Variants in SAMTOR observed in about 807,000 individuals in gnomAD.
SAMTOR encodes the protein UPF0532 protein C7orf60.
At chr7:112,884,506 G>C in the SAMTOR span, among the ~76,000 whole-genome samples, 1 of 152,136 alleles carries the variant, frequency 6.6e-6, no homozygotes, top group East Asian at 1.9e-4. Context: ...GGAGAAATTG[G>C]CCAAAACAAA....
At chr7:112,939,837 G>T in the SAMTOR span, 1 of 1,060,858 alleles carries the variant, frequency 9.4e-7, no homozygotes, top group Non-Finnish European at 1.3e-6. Flanking sequence ...AGGGAGCTGC[G>T]GAGGCAGCAG....
the SAMTOR span, among the ~76,000 whole-genome samples, chr7:112,924,303 T>G: frequency 6.6e-6 from 1 of 151,830 alleles, no homozygotes; most frequent in African/African-American, 2.4e-5. Flanking sequence ...ATCTAAGAGG[T>G]TTTTTTTAAA....
the SAMTOR span, chr7:112,915,506 T>C: frequency 7.3e-7 from 1 of 1,375,252 alleles, no homozygotes. Context: ...ACTCTTGAAA[T>C]AAGTTTTAGC....
At chr7:112,933,911 T>C in the SAMTOR span, among the ~76,000 whole-genome samples, 4 of 152,266 alleles carry the variant, frequency 2.6e-5, no homozygotes, top group South Asian at 2.1e-4. Flanking sequence ...TATATACTTA[T>C]TAAAGAAAAC....
the SAMTOR span, among the ~76,000 whole-genome samples, chr7:112,866,789 A>G: frequency 6.6e-6 from 1 of 152,244 alleles, no homozygotes; most frequent in African/African-American, 2.4e-5. Context: ...AGGCCTGAAT[A>G]CTACATCTCG....
At chr7:112,848,835 G>T in the SAMTOR span, among the ~76,000 whole-genome samples, 1 of 152,106 alleles carries the variant, frequency 6.6e-6, no homozygotes, top group Non-Finnish European at 1.5e-5. Context: ...CGATCACGAG[G>T]TCAGGAGTTC....
chr7:112,930,009 A>G, the SAMTOR span, among the ~76,000 whole-genome samples: 1 of 152,192 alleles, frequency 6.6e-6, no homozygotes, highest in East Asian at 1.9e-4. Context: ...CATGAGTATC[A>G]AAAGTCTTAA....
the SAMTOR span, among the ~76,000 whole-genome samples, chr7:112,933,393 T>C: frequency 1.3e-5 from 2 of 152,156 alleles, no homozygotes; most frequent in African/African-American, 2.4e-5. Flanking sequence ...AATATAAAAA[T>C]GTGTCAAAAC....
the SAMTOR span, chr7:112,915,579 A>G: frequency 5.6e-6 from 3 of 538,696 alleles, no homozygotes; most frequent in African/African-American, 5.9e-5. Flanking sequence ...ATAAAATTTT[A>G]AACATTTAAA....
At chr7:112,939,480 C>T in the SAMTOR span, 1 of 1,502,048 alleles carries the variant, frequency 6.7e-7, no homozygotes. Flanking sequence ...GCTGGGGGGA[C>T]GTGCAGATCC....
the SAMTOR span, among the ~76,000 whole-genome samples, chr7:112,905,267 G>A: frequency 6.6e-6 from 1 of 152,084 alleles, no homozygotes; most frequent in Non-Finnish European, 1.5e-5. Flanking sequence ...AGCCCTGCAT[G>A]GTGCAGTATG....
chr7:112,846,097 CT>C, the SAMTOR span, among the ~76,000 whole-genome samples: 2 of 146,864 alleles, frequency 1.4e-5, no homozygotes, highest in African/African-American at 2.5e-5. Flanking sequence ...GAAAAAATAA[CT>C]GTTGGGTACT....
the SAMTOR span, among the ~76,000 whole-genome samples, chr7:112,873,049 TAA>T: frequency 2.0e-5 from 3 of 148,266 alleles, no homozygotes; most frequent in East Asian, 2.0e-4. Context: ...AAAACTCTGC[TAA>T]AAAAAAAATT....
At chr7:112,822,302 A>T in the SAMTOR span, 1 of 1,613,580 alleles carries the variant, frequency 6.2e-7, no homozygotes, top group Admixed American at 1.7e-5. Flanking sequence ...TCAAAAAAGC[A>T]TCTATAGCAT....
the SAMTOR span, among the ~76,000 whole-genome samples, chr7:112,856,496 T>C: frequency 2.0e-5 from 3 of 152,116 alleles, no homozygotes; most frequent in African/African-American, 7.2e-5. Context: ...ATGATCTACC[T>C]GCCTCGGCCT....
the SAMTOR span, among the ~76,000 whole-genome samples, chr7:112,860,128 C>G: frequency 6.6e-6 from 1 of 152,096 alleles, no homozygotes; most frequent in African/African-American, 2.4e-5. Flanking sequence ...TTACAACTGC[C>G]TTCAGTATTC....
the SAMTOR span, among the ~76,000 whole-genome samples, chr7:112,854,870 A>G: frequency 5.0e-3 from 755 of 152,314 alleles, 6 homozygotes; most frequent in African/African-American, 0.017. Context: ...CTCCATATAC[A>G]GAGCTCAGAG....
At chr7:112,865,258 A>G in the SAMTOR span, among the ~76,000 whole-genome samples, 1 of 151,978 alleles carries the variant, frequency 6.6e-6, no homozygotes, top group Non-Finnish European at 1.5e-5. Flanking sequence ...AGACCAACCT[A>G]GGCAACACAG....
the SAMTOR span, among the ~76,000 whole-genome samples, chr7:112,905,686 C>A: frequency 5.9e-5 from 9 of 152,106 alleles, no homozygotes. Flanking sequence ...TTATTCTTCT[C>A]CATAGATGTT....
Sources: gnomAD v4.1 joint callset for allele counts (sites outside exome capture counted in the v4.1 genomes callset) on GRCh38, gnomAD v4.1.1 for gene constraint, MANE v1.5 for transcripts, NCBI Gene and HGNC (gene_info 2026-07-23, HGNC 2026-07-21) for gene names.